The following ZFHX2 variants were observed in gnomAD, a reference collection of about 807,000 sequenced individuals.
The protein encoded by ZFHX2 is zinc finger homeobox 2, also known as zinc finger homeobox protein 2.
A neutral mutation model predicts 164.8 loss-of-function variants in ZFHX2; 75 were observed. The observed-to-expected ratio is 0.46, with a 90% confidence interval of 0.38 to 0.55. ZFHX2 has a LOEUF of 0.55. ZFHX2 is among the 20% of genes least tolerant of loss of function. ZFHX2 has a pLI of 0.00. For synonymous variants in ZFHX2, 1,217 were observed against 1,351.4 expected (o/e 0.90, Z 2.18); for missense variants, 2,933 against 3,308.0 (o/e 0.89, Z 2.78).
intron 1 of ZFHX2, among the ~76,000 whole-genome samples, chr14:23,536,341 C>T (rs550639462): frequency 1.2e-4 from 19 of 152,180 alleles, no homozygotes; most frequent in Non-Finnish European, 1.8e-4. Flanking sequence ...CATACCCTGA[C>T]GAGGTAAATT....
Position 23,531,520 on chromosome 14 carries a change from T to C in ZFHX2, c.2761A>G (p.Ser921Gly). The C allele has an allele frequency of 6.7e-7, 1 of 1,489,218 alleles. No individual in the cohort carries two copies. The highest frequency in any genetic ancestry group is 8.9e-7 in the Non-Finnish European group (1 of 1,118,664). The allele number at this position is 1,489,218 out of a possible 1,614,324, so 92.3% of individuals were successfully genotyped here. A position where few individuals can be genotyped will look rare whatever the true frequency, so the allele number is the denominator to read the frequency against. The change falls in exon 4 of 10, where the codon AGC becomes GGC. Residue 921 changes from serine (S) to glycine (G), a missense_variant. Coordinates refer to ENST00000419474, the MANE Select transcript of ZFHX2 (RefSeq NM_033400.3). ...TGCCCGTGGCTGAAGCTCAGGATGC[T>C]CTGAAGAGCTGCGAGTCCTTCCTCA... ...TTEEGLAALQ[S>G]ILSFSHGQLR...
Position 23,525,264 on chromosome 14 carries a change from CT to C in ZFHX2, c.4677del (p.Thr1562ProfsTer16). The C allele has an allele frequency of 6.5e-7, 1 of 1,536,132 alleles. No homozygotes were observed. Among genetic ancestry groups the C allele is most frequent in the Non-Finnish European group, 8.7e-7 (1 of 1,146,904 alleles). ...CGCTCTTCAGGGGCACGGGTCCCCC[CT>C]GCCTCAGGCTCTGGGACCAGGAAGG... is the stretch of plus-strand genomic sequence containing the variant. ...GPPFLVPEPEAGGTRAPEERS... is the reference protein window; with the variant it reads ...GPPFLVPEPEXGGTRAPEERS... On this transcript the variant is annotated frameshift_variant, in exon 9 of 10. Transcript: ENST00000419474. LOFTEE classifies it high-confidence loss of function. This position sits in a 1 kb window ranked among gnomAD's most constrained non-coding sequence, Gnocchi z 5.9.
rs936971478 is a variant in ZFHX2 at position 23,551,181 on chromosome 14, C to T, written c.-50+162G>A. On this transcript the variant is annotated intron_variant, in intron 1 of 9. Transcript: ENST00000419474. This position sits in a 1 kb window ranked among gnomAD's most constrained non-coding sequence, Gnocchi z 5.3. ...GGTCTGTCTGTCCGTCCGTCCTTGT[C>T]CCCTCCCCCAGCCCCTTCCCGTCCC... 2.0e-5 allele frequency among the ~76,000 whole-genome samples: 3 copies of T among 152,120 alleles called. No individual in the cohort carries two copies. Among genetic ancestry groups the T allele is most frequent in the Admixed American group, 6.5e-5 (1 of 15,282 alleles).
Position 23,524,651 on chromosome 14 carries a change from G to A in ZFHX2, c.5291C>T (p.Ser1764Leu), listed in dbSNP as rs1878474220. 6.5e-7 allele frequency: 1 copy of A among 1,536,282 alleles called. No individual in the cohort carries two copies. The change falls in exon 9 of 10, where the codon TCA becomes TTA. Residue 1764 changes from serine (S) to leucine (L), a missense_variant. By Grantham distance (145) the Ser-to-Leu change is moderately radical. Transcript: ENST00000419474. This position sits in a 1 kb window ranked among gnomAD's most constrained non-coding sequence, Gnocchi z 5.6. ...GKEPEEKATP[S>L]PSPAHTCDQC... ...GTCACAGGTATGGGCTGGGGAAGGTGATGGAGTAGCCTTCTCTTCAGGCTC... is the reference window on the plus strand; with the variant it reads ...GTCACAGGTATGGGCTGGGGAAGGTAATGGAGTAGCCTTCTCTTCAGGCTC...
Position 23,533,856 on chromosome 14 carries a change from G to A in ZFHX2, c.1470C>T (p.Gly490=), listed in dbSNP as rs549621181. Residue 490 remains glycine (G), a synonymous_variant, in exon 2 of 10, where the codon GGC becomes GGT. Coordinates refer to ENST00000419474, the MANE Select transcript of ZFHX2 (RefSeq NM_033400.3). The surrounding 1 kb of genome is among the most constrained non-coding windows in gnomAD (Gnocchi z 4.8). ...NSHCSYCSAG[G]AHPRLARGES... is the part of the protein sequence containing the mutation. ...CTCCACGAGCAAGGCGGGGGTGGGC[G>A]CCCCCAGCACTGCAGTAGCTGCAGT... is the stretch of plus-strand genomic sequence containing the variant. 3.1e-5 allele frequency: 48 copies of A among 1,538,668 alleles called. 2 individuals are homozygous for A. In the African/African-American group the frequency reaches 3.3e-4, roughly 11 times the overall value.
In ZFHX2 at chr14:23,525,210, C is replaced by T; in HGVS notation, c.4732G>A (p.Glu1578Lys). Residue 1578 changes from glutamate to lysine, a missense_variant, in exon 9 of 10, where the codon GAA becomes AAA. Glu to Lys is a moderately conservative substitution (Grantham distance 56). Coordinates refer to ENST00000419474, the MANE Select transcript of ZFHX2 (RefSeq NM_033400.3). The surrounding 1 kb of genome is among the most constrained non-coding windows in gnomAD (Gnocchi z 5.9). Reference sequence around the variant, plus strand: ...TTCCCTCTGGAGCTTTCTTCCTCTTCTATGGGCCAGTGTCCCCCTGCTCGA... The same window carrying T: ...TTCCCTCTGGAGCTTTCTTCCTCTTTTATGGGCCAGTGTCCCCCTGCTCGA... ...RSRAGGHWPI[E>K]EEESSRGNLP... The T allele has an allele frequency of 9.8e-6, 15 of 1,536,146 alleles. No individual in the cohort carries two copies. Among genetic ancestry groups the T allele is most frequent in the Non-Finnish European group, 1.3e-5 (15 of 1,146,914 alleles).
Position 23,526,926 on chromosome 14 carries a change from G to A in ZFHX2, c.3183C>T (p.Pro1061=). 6.5e-7 allele frequency: 1 copy of A among 1,533,776 alleles called. No individual in the cohort carries two copies. The highest frequency in any genetic ancestry group is 1.4e-5 in the African/African-American group (1 of 72,926). Residue 1061 remains proline (P), a synonymous_variant, in exon 8 of 10, where the codon CCC becomes CCT. Transcript: ENST00000419474. ...GGCCATTGTCCAGAGGGCTTAATGT[G>A]GGTGCAGACAGCACTTTGGTTGTAA... ...MTFTTKVLSA[P]TLSPLDNGQE...
intron 1 of ZFHX2, among the ~76,000 whole-genome samples, chr14:23,549,143 T>C (rs56945380): frequency 0.029 from 4,400 of 152,274 alleles, 215 homozygotes; most frequent in African/African-American, 0.1. Context: ...ATCATTTCTC[T>C]TCCTTTTACC....
Position 23,534,339 on chromosome 14 carries a change from T to C in ZFHX2, c.987A>G (p.Glu329=), listed in dbSNP as rs986336515. 1 of 1,536,538 alleles carries C rather than the reference T, an allele frequency of 6.5e-7. No individual in the cohort carries two copies. Among genetic ancestry groups the C allele is most frequent in the Non-Finnish European group, 8.7e-7 (1 of 1,147,012 alleles). The part of the protein sequence containing the change: ...AQTEDGPPEA[E]VQALILLDEE... ...CATCCAGGAGGATAAGGGCCTGGACTTCTGCCTCAGGGGGGCCATCCTCTG... is the reference window on the plus strand; with the variant it reads ...CATCCAGGAGGATAAGGGCCTGGACCTCTGCCTCAGGGGGGCCATCCTCTG... The change falls in exon 2 of 10, where the codon GAA becomes GAG. Residue 329 remains glutamate (E), a synonymous_variant. Transcript: ENST00000419474. The surrounding 1 kb of genome is among the most constrained non-coding windows in gnomAD (Gnocchi z 4.5).
intron 4 of ZFHX2, chr14:23,530,497 A>G (rs1879402135): frequency 1.7e-6 from 1 of 583,142 alleles, no homozygotes; most frequent in Admixed American, 2.3e-5. Flanking sequence ...CCCTGTCTTA[A>G]ATGACCCAGG....
chr14:23,549,243 G>T (rs1412697226), intron 1 of ZFHX2, among the ~76,000 whole-genome samples: 1 of 151,990 alleles, frequency 6.6e-6, no homozygotes, highest in Non-Finnish European at 1.5e-5. Flanking sequence ...AGTCCGCATA[G>T]ATTTTCCTCC....
At chr14:23,539,666 A>C (rs1880582019) in intron 1 of ZFHX2, among the ~76,000 whole-genome samples, 1 of 152,160 alleles carries the variant, frequency 6.6e-6, no homozygotes, top group Non-Finnish European at 1.5e-5. Flanking sequence ...GGCCGGCAGA[A>C]CTGGAGGCAA....
At chr14:23,528,896 A>G (rs1345815754) in intron 6 of ZFHX2, 1 of 932,364 alleles carries the variant, frequency 1.1e-6, no homozygotes. Context: ...CCTGTGTGTC[A>G]GGGAGGGGAT....
At chr14:23,555,252 G>T (rs1320457546), upstream of ZFHX2, among the ~76,000 whole-genome samples, 1 of 152,140 alleles carries the variant, frequency 6.6e-6, no homozygotes, top group Non-Finnish European at 1.5e-5. Flanking sequence ...ACCTGCCTCG[G>T]CTTCCCAAAG....
Position 23,521,784 on chromosome 14 carries a change from G to C in ZFHX2, c.*178C>G, listed in dbSNP as rs967101006. Reference sequence around the variant, plus strand: ...TGTGTGTCTGTGGGGATTGGGAGGAGGCAGGACTCTGCTGGAAGTGGGGTG... The same window carrying C: ...TGTGTGTCTGTGGGGATTGGGAGGACGCAGGACTCTGCTGGAAGTGGGGTG... On this transcript the variant is annotated 3_prime_UTR_variant, in exon 10 of 10. Transcript: ENST00000419474. 10 of 1,128,008 alleles carry C rather than the reference G, an allele frequency of 8.9e-6. No individual in the cohort carries two copies. Among genetic ancestry groups the C allele is most frequent in the Admixed American group, 5.9e-5 (2 of 33,962 alleles). The allele number at this position is 1,128,008 out of a possible 1,614,324, so 69.9% of individuals were successfully genotyped here. A position where few individuals can be genotyped will look rare whatever the true frequency, so the allele number is the denominator to read the frequency against.
chr14:23,527,538 C>G (rs1317906115), intron 7 of ZFHX2, 66 bp downstream of exon 7: 12 of 1,523,278 alleles, frequency 7.9e-6, no homozygotes, highest in Non-Finnish European at 1.1e-5. Flanking sequence ...ACCCCTGCCT[C>G]TTCCTCCCCT....
intron 1 of ZFHX2, among the ~76,000 whole-genome samples, chr14:23,539,236 G>C (rs998098230): frequency 6.6e-6 from 1 of 152,212 alleles, no homozygotes; most frequent in Admixed American, 6.5e-5. Context: ...CTCTTCCTCT[G>C]TCCAGACCCA....
chr14:23,522,827 T>C lies in ZFHX2; in HGVS notation c.6854A>G (p.Gln2285Arg). ...RPLPQRPMPD[Q>R]TNTSTAGTTD... is the part of the protein sequence containing the mutation. ...GGTGCCTGCTGTGGAGGTGTTGGTT[T>C]GGTCGGGCATGGGTCTCTGAGGTAA... is the stretch of plus-strand genomic sequence containing the variant. Residue 2285 changes from glutamine (Q) to arginine (R), a missense_variant, in exon 10 of 10, where the codon CAA becomes CGA. Physicochemically the swap from Gln to Arg is conservative, Grantham distance 43. Transcript: ENST00000419474. 6.5e-7 allele frequency: 1 copy of C among 1,535,002 alleles called. No homozygotes were observed. The highest frequency in any genetic ancestry group is 8.7e-7 in the Non-Finnish European group (1 of 1,146,156).
In ZFHX2 at chr14:23,533,009, G is replaced by A; in HGVS notation, c.2117C>T (p.Thr706Ile). ...CAGGCTGTCGTCTGGGGGTGGTGAG[G>A]TGGGCAGGCTGTCAGATGAGGAACC... The part of the protein sequence containing the change: ...LLGSSSDSLP[T>I]SPPPDDSLSL... The change falls in exon 3 of 10, where the codon ACC (threonine) becomes ATC (isoleucine). Residue 706 changes from threonine (T) to isoleucine (I), a missense_variant. By Grantham distance (89) the Thr-to-Ile change is moderately conservative (BLOSUM62 -1). Coordinates refer to ENST00000419474, the MANE Select transcript of ZFHX2 (RefSeq NM_033400.3). The surrounding 1 kb of genome is among the most constrained non-coding windows in gnomAD (Gnocchi z 4.8). 1.3e-6 allele frequency: 2 copies of A among 1,536,158 alleles called. No individual in the cohort carries two copies. Among genetic ancestry groups the A allele is most frequent in the Non-Finnish European group, 8.7e-7 (1 of 1,146,892 alleles).
Sources: allele counts gnomAD v4.1 joint callset (sites outside exome capture counted in the v4.1 genomes callset), GRCh38; gene constraint gnomAD v4.1.1; non-coding constraint Gnocchi (gnomAD v3.1); transcripts MANE v1.5; gene names NCBI Gene and HGNC (gene_info 2026-07-23, HGNC 2026-07-21).